CEP135: variants seen among roughly 807,000 people sequenced by gnomAD.
CEP135 encodes the protein centrosomal protein 135, also known as centrosomal protein of 135 kDa.
A neutral mutation model predicts 157.3 loss-of-function variants in CEP135; 142 were observed. That is an observed-to-expected ratio of 0.90 (90% confidence interval 0.79 to 1.04). The LOEUF (loss-of-function observed/expected upper bound fraction) is 1.04. Ranked by LOEUF, CEP135 falls within the 50% of genes least tolerant of loss-of-function variation. CEP135 has a pLI of 0.00. For missense variants in CEP135, 1,317 were observed against 1,309.2 expected, an observed-to-expected ratio of 1.01 and a Z score of -0.09; for synonymous variants, 396 against 439.8, an observed-to-expected ratio of 0.90 and a Z score of 1.25.
At chr4:56,027,113 C>T (rs80273057) in intron 25 of CEP135, among the ~76,000 whole-genome samples, 1 of 152,266 alleles carries the variant, frequency 6.6e-6, no homozygotes, top group African/African-American at 2.4e-5. Context: ...ACTTTGAGGA[C>T]CACTTCTCAG....
rs1312230031 is a variant in CEP135 at position 55,999,591 on chromosome 4, T to C, written c.2226T>C (p.Thr742=). The change falls in exon 17 of 26, where the codon ACT becomes ACC. Residue 742 remains threonine (T), a synonymous_variant. Coordinates refer to ENST00000257287, the MANE Select transcript of CEP135 (RefSeq NM_025009.5). ...AAGAAAAAGACTTTCTCCAGGAGAC[T>C]GTAGATGAGAAGACAGAAAAGATTG... is the stretch of plus-strand genomic sequence containing the variant. ...IDKEKDFLQE[T]VDEKTEKIAN... The C allele has an allele frequency of 1.2e-6, 2 of 1,608,704 alleles. No homozygotes were observed. The highest frequency in any genetic ancestry group is 2.2e-5 in the South Asian group (2 of 89,722).
In CEP135 at chr4:55,954,252, C is replaced by T. The variant is rs200758536; in HGVS notation, c.341C>T (p.Thr114Ile). 63 of 1,603,574 alleles carry T rather than the reference C, an allele frequency of 3.9e-5. No individual in the cohort carries two copies. Among genetic ancestry groups the T allele is most frequent in the Non-Finnish European group, 5.3e-5 (62 of 1,175,794 alleles). ...KTSLKKCARE[T>I]ADLKFLNNQY... ...TCATTGAAGAAATGTGCACGTGAAA[C>T]AGCTGATCTGAAATTTCTGAATAAC... Residue 114 changes from threonine (T) to isoleucine (I), a missense_variant, in exon 4 of 26, where the codon ACA becomes ATA. By Grantham distance (89) the Thr-to-Ile change is moderately conservative. Transcript: ENST00000257287.
At chr4:56,012,209 C>T (rs1041622286) in intron 21 of CEP135, among the ~76,000 whole-genome samples, 1 of 152,074 alleles carries the variant, frequency 6.6e-6, no homozygotes, top group African/African-American at 2.4e-5. Flanking sequence ...AGTGTGCCAC[C>T]ACACCTGGCC....
At chr4:56,021,739 T>G (rs888486338) in intron 24 of CEP135, among the ~76,000 whole-genome samples, 1 of 152,192 alleles carries the variant, frequency 6.6e-6, no homozygotes, top group South Asian at 2.1e-4. Flanking sequence ...TACGATTTCA[T>G]AAAGGCCTGG....
intron 25 of CEP135, 51 bp downstream of exon 25, chr4:56,024,665 T>A: frequency 2.4e-6 from 3 of 1,269,706 alleles, no homozygotes; most frequent in Non-Finnish European, 3.4e-6. Context: ...GTTGTAAAAA[T>A]TCAGAAAGTA....
rs533949252 is a variant in CEP135 at position 56,024,713 on chromosome 4, G to T, written c.*11+99G>T. 6.4e-6 allele frequency: 5 copies of T among 778,438 alleles called. No individual in the cohort carries two copies. In the African/African-American group the frequency reaches 8.7e-5, roughly 14 times the overall value. The allele number at this position is 778,438 out of a possible 1,614,324, so 48.2% of individuals were successfully genotyped here. A position where few individuals can be genotyped will look rare whatever the true frequency, so the allele number is the denominator to read the frequency against. On this transcript the variant is annotated intron_variant, in intron 25 of 25. Coordinates refer to ENST00000257287, the MANE Select transcript of CEP135 (RefSeq NM_025009.5). ...AGGAAAGGGGAGATTGCCTGGTAAGGCGTTCAGGAGAACTTCCTGGAGTAA... is the reference window on the plus strand; with the variant it reads ...AGGAAAGGGGAGATTGCCTGGTAAGTCGTTCAGGAGAACTTCCTGGAGTAA...
intron 18 of CEP135, 63 bp from the exon 19 acceptor site, chr4:56,009,672 C>T (rs1730498145): frequency 1.4e-6 from 2 of 1,443,030 alleles, no homozygotes; most frequent in African/African-American, 2.9e-5. Flanking sequence ...TATAAGTTTT[C>T]TTTTAAATGA....
intron 23 of CEP135, among the ~76,000 whole-genome samples, chr4:56,019,815 T>C (rs1442387249): frequency 6.6e-6 from 1 of 150,644 alleles, no homozygotes; most frequent in Non-Finnish European, 1.5e-5. Flanking sequence ...GGCACACACC[T>C]ATAGTCCCAG....
chr4:56,000,930 T>C (rs1326096134), intron 17 of CEP135, among the ~76,000 whole-genome samples: 1 of 152,170 alleles, frequency 6.6e-6, no homozygotes, highest in Admixed American at 6.5e-5. Flanking sequence ...TCCCCATCTT[T>C]TTGATAAAAA....
intron 21 of CEP135, 117 bp from the exon 22 acceptor site, chr4:56,017,531 A>G (rs1730815470): frequency 2.4e-6 from 2 of 844,884 alleles, no homozygotes; most frequent in Admixed American, 6.2e-5. Flanking sequence ...GTATTTTAAA[A>G]TAAGCAAAAA....
chr4:55,997,857 A>G (rs1045653279), intron 15 of CEP135, among the ~76,000 whole-genome samples: 1 of 152,222 alleles, frequency 6.6e-6, no homozygotes, highest in African/African-American at 2.4e-5. Flanking sequence ...AATAGTGTGA[A>G]TACGGTGCAG....
chr4:56,022,160 A>G (rs1183368920), intron 24 of CEP135, among the ~76,000 whole-genome samples: 2 of 152,166 alleles, frequency 1.3e-5, no homozygotes. Flanking sequence ...AATGATTTCC[A>G]TTTCTTAAGG....
chr4:56,015,117 A>G (rs946656636), intron 21 of CEP135, among the ~76,000 whole-genome samples: 3 of 152,326 alleles, frequency 2.0e-5, no homozygotes, highest in Non-Finnish European at 4.4e-5. Flanking sequence ...AGTGTGCTCC[A>G]GAGTATGGCT....
chr4:55,952,258 A>G lies in CEP135; in HGVS notation c.113+15A>G. 6.9e-7 allele frequency: 1 copy of G among 1,440,990 alleles called. No individual in the cohort carries two copies. Among genetic ancestry groups the G allele is most frequent in the Non-Finnish European group, 9.8e-7 (1 of 1,022,820 alleles). 89.3% of individuals were successfully genotyped at this position (1,440,990 alleles called of 1,614,324 possible). On this transcript the variant is annotated intron_variant, in intron 2 of 25. Coordinates refer to ENST00000257287, the MANE Select transcript of CEP135 (RefSeq NM_025009.5). ...AAACTTTTCAGGTAAAGACAAAAAT[A>G]CAGTTTTCAACCTTTATGATCCCTA...
intron 9 of CEP135, among the ~76,000 whole-genome samples, chr4:55,970,051 T>TTA (rs1728978780): frequency 6.6e-6 from 1 of 151,028 alleles, no homozygotes; most frequent in Admixed American, 6.6e-5. Flanking sequence ...TTTTTTTTTT[T>TTA]AGTAGAAATG....
chr4:56,004,188 T>C (rs2109720911), intron 17 of CEP135, among the ~76,000 whole-genome samples: 1 of 152,356 alleles, frequency 6.6e-6, no homozygotes. Flanking sequence ...CGAGAGCAAC[T>C]GTTGTTTAAT....
chr4:56,016,939 G>T (rs1222408805), intron 21 of CEP135, among the ~76,000 whole-genome samples: 1 of 152,142 alleles, frequency 6.6e-6, no homozygotes, highest in East Asian at 1.9e-4. Context: ...CTCCCAGAGT[G>T]TTGGGGTTGC....
chr4:56,024,719 A>G (rs1398548390), intron 25 of CEP135, 105 bp downstream of exon 25: 1 of 746,386 alleles, frequency 1.3e-6, no homozygotes, highest in African/African-American at 1.8e-5. Flanking sequence ...TAAGGCGTTC[A>G]GGAGAACTTC....
At chr4:55,960,005 G>A (rs1728630109) in intron 6 of CEP135, 2 of 576,170 alleles carry the variant, frequency 3.5e-6, no homozygotes, top group East Asian at 2.9e-5. Context: ...ATGGTCCCAG[G>A]TACTTGGGAG....
Sources: allele counts gnomAD v4.1 joint callset (sites outside exome capture counted in the v4.1 genomes callset), GRCh38; gene constraint gnomAD v4.1.1; transcripts MANE v1.5; gene names NCBI Gene and HGNC (gene_info 2026-07-23, HGNC 2026-07-21).